Variants in FER1L6 observed in about 807,000 individuals in gnomAD.
FER1L6 encodes fer-1 like family member 6, also known as fer-1-like protein 6.
A neutral mutation model predicts 219.2 loss-of-function variants in FER1L6; 177 were observed. The ratio of observed to expected loss-of-function variants is 0.81; its 90% CI spans 0.71 to 0.91. The LOEUF (loss-of-function observed/expected upper bound fraction) is 0.91, where lower values mean the gene tolerates loss of function less well. Ranked by LOEUF, FER1L6 falls within the 40% of genes least tolerant of loss-of-function variation. The pLI, the probability that FER1L6 is intolerant of heterozygous loss-of-function variation, is 0.00. For missense variants in FER1L6, 2,153 were observed against 2,259.9 expected (o/e 0.95, Z 0.96); for synonymous variants, 768 against 824.3 (o/e 0.93, Z 1.17).
chr8:124,049,794 T>C (rs1819920829), intron 22 of FER1L6, 38 bp downstream of exon 22: 2 of 1,610,658 alleles, frequency 1.2e-6, no homozygotes, highest in Non-Finnish European at 1.7e-6. Context: ...CTATTAGGTC[T>C]ACCTGGCCAG....
intron 5 of FER1L6, among the ~76,000 whole-genome samples, chr8:123,967,405 T>C (rs1175665190): frequency 6.6e-6 from 1 of 152,216 alleles, no homozygotes; most frequent in Non-Finnish European, 1.5e-5. Flanking sequence ...CTGAAGAGTT[T>C]TTCATTGCCT....
Position 124,071,570 on chromosome 8 carries a change from T to G in FER1L6, c.4031T>G (p.Ile1344Ser), listed in dbSNP as rs1299490570. The G allele has an allele frequency of 3.1e-6, 5 of 1,613,992 alleles. No homozygotes were observed. Among genetic ancestry groups the G allele is most frequent in the Non-Finnish European group, 4.2e-6 (5 of 1,179,990 alleles). Residue 1344 changes from isoleucine to serine, a missense_variant, in exon 31 of 41, where the codon ATC (isoleucine) becomes AGC (serine). Transcript: ENST00000522917. ...TCTGAGGACAGCGGGCAGCTGAGAATCCAGCAAGGGATTCCGCCCAATCAC... is the reference window on the plus strand; with the variant it reads ...TCTGAGGACAGCGGGCAGCTGAGAAGCCAGCAAGGGATTCCGCCCAATCAC... ...SSSEDSGQLR[I>S]QQGIPPNHPV...
chr8:124,076,127 C>G (rs1435825196), intron 31 of FER1L6, 71 bp from the exon 32 acceptor site: 1 of 1,582,812 alleles, frequency 6.3e-7, no homozygotes, highest in Non-Finnish European at 8.6e-7. Flanking sequence ...TTTGAAAGCA[C>G]CAAGGTAATC....
At chr8:123,898,739 TAC>T (rs1586448651) in intron 1 of FER1L6, among the ~76,000 whole-genome samples, 1 of 141,890 alleles carries the variant, frequency 7.0e-6, no homozygotes, top group Non-Finnish European at 1.5e-5. Flanking sequence ...ATAGTATATA[TAC>T]ATATATACTA....
In FER1L6 at chr8:124,082,352, G is replaced by T; in HGVS notation, c.4285G>T (p.Asp1429Tyr). The T allele has an allele frequency of 6.2e-7, 1 of 1,613,982 alleles. No individual in the cohort carries two copies. Among genetic ancestry groups the T allele is most frequent in the South Asian group, 1.1e-5 (1 of 91,054 alleles). ...SLLSILIYDH[D>Y]MIGTDDLIGE... Reference sequence around the variant, plus strand: ...GCTCTCCATCCTGATCTATGACCATGACATGATTGGCACAGATGACCTTAT... The same window carrying T: ...GCTCTCCATCCTGATCTATGACCATTACATGATTGGCACAGATGACCTTAT... The change falls in exon 33 of 41, where the codon GAC becomes TAC. Residue 1429 changes from aspartate to tyrosine, a missense_variant. Coordinates refer to ENST00000522917, the MANE Select transcript of FER1L6 (RefSeq NM_001039112.2).
chr8:124,066,564 T>G lies in FER1L6; in HGVS notation c.3678+14T>G. 1 of 1,610,988 alleles carries G rather than the reference T, an allele frequency of 6.2e-7. No individual in the cohort carries two copies. Among genetic ancestry groups the G allele is most frequent in the Non-Finnish European group, 8.5e-7 (1 of 1,178,926 alleles). The stretch of plus-strand genomic sequence containing the variant: ...AAAGCCCAGAAGGTAGAGTCTCCCC[T>G]ACCTGTGGCAGTTAAGAGATTCAAT... On this transcript the variant is annotated intron_variant, in intron 27 of 40. Transcript: ENST00000522917.
At chr8:124,013,554 T>TAGG in intron 15 of FER1L6, 23 bp downstream of exon 15, 2 of 1,528,002 alleles carry the variant, frequency 1.3e-6, no homozygotes, top group Non-Finnish European at 1.8e-6. Context: ...ACAGCCGGCA[T>TAGG]AGGCGGAGCT....
At chr8:124,060,046 T>C in intron 22 of FER1L6, 134 bp from the exon 23 acceptor site, 1 of 672,090 alleles carries the variant, frequency 1.5e-6, no homozygotes, top group Non-Finnish European at 2.6e-6. Context: ...AAATGCATGG[T>C]CCTTGTATTT....
At chr8:124,057,065 A>G (rs1431677445) in intron 22 of FER1L6, among the ~76,000 whole-genome samples, 1 of 152,060 alleles carries the variant, frequency 6.6e-6, no homozygotes, top group Non-Finnish European at 1.5e-5. Context: ...AACAAAAACA[A>G]AAAACCTTCC....
At chr8:124,106,952 T>TCC (rs1563804357) in intron 39 of FER1L6, among the ~76,000 whole-genome samples, 2 of 147,086 alleles carry the variant, frequency 1.4e-5, no homozygotes, top group Non-Finnish European at 3.0e-5. Context: ...TTCTTTTTTT[T>TCC]TTTTTTTTTT....
intron 1 of FER1L6, among the ~76,000 whole-genome samples, chr8:123,854,403 G>A (rs1816590569): frequency 6.6e-6 from 1 of 152,184 alleles, no homozygotes; most frequent in South Asian, 2.1e-4. Context: ...TGCAGTCACA[G>A]TCACTTTCCT....
At chr8:123,923,418 A>C (rs1335089785) in intron 1 of FER1L6, among the ~76,000 whole-genome samples, 1 of 152,214 alleles carries the variant, frequency 6.6e-6, no homozygotes, top group Non-Finnish European at 1.5e-5. Flanking sequence ...GAATGGGTCA[A>C]AAACAGTTGA....
At chr8:124,017,150 T>C (rs1414192656) in intron 15 of FER1L6, among the ~76,000 whole-genome samples, 1 of 152,222 alleles carries the variant, frequency 6.6e-6, no homozygotes, top group Non-Finnish European at 1.5e-5. Flanking sequence ...ATTCACAATC[T>C]TTACTATTTT....
At chr8:123,940,785 C>T (rs1814209153) in intron 1 of FER1L6, among the ~76,000 whole-genome samples, 2 of 152,166 alleles carry the variant, frequency 1.3e-5, no homozygotes, top group African/African-American at 4.8e-5. Context: ...GCTTATTTCC[C>T]AGAGCTGTTG....
intron 22 of FER1L6, among the ~76,000 whole-genome samples, chr8:124,054,375 C>G (rs72714699): frequency 0.04 from 6,095 of 152,274 alleles, 182 homozygotes; most frequent in Non-Finnish European, 0.062. Flanking sequence ...TTTTGGGGAT[C>G]TGAAATGCCA....
At chr8:124,020,728 A>G (rs1230926010) in intron 16 of FER1L6, among the ~76,000 whole-genome samples, 1 of 152,164 alleles carries the variant, frequency 6.6e-6, no homozygotes, top group East Asian at 1.9e-4. Context: ...CTGCTTCCTC[A>G]GCTGTAAAAT....
At position 124,119,787 on chromosome 8, in the gene FER1L6, A is replaced by G; in HGVS notation, c.5571A>G (p.Ser1857=). ...TCAGCCGAAGGATCGTTGTGGGCTC[A>G]TAGAGGATCATGGAGGACCCAGATC... ...GAISRRIVVG[S] is the part of the protein sequence containing the mutation. The change falls in exon 41 of 41, where the codon TCA becomes TCG. Residue 1857 remains serine (S), a synonymous_variant. Coordinates refer to ENST00000522917, the MANE Select transcript of FER1L6 (RefSeq NM_001039112.2). 1 of 1,613,776 alleles carries G rather than the reference A, an allele frequency of 6.2e-7. No homozygotes were observed. The highest frequency in any genetic ancestry group is 2.2e-5 in the East Asian group (1 of 44,880).
chr8:124,119,628 G>A lies in FER1L6; in HGVS notation c.5412G>A (p.Ser1804=), dbSNP rs374383727. 3.5e-5 allele frequency: 57 copies of A among 1,611,864 alleles called. No individual in the cohort carries two copies. Among genetic ancestry groups the A allele is most frequent in the African/African-American group, 2.9e-4 (22 of 74,708 alleles). ...AKPNRPDTSF[S]WFMSPFKCLY... ...TCAGCCGCCCAGACACCTCCTTTTC[G>A]TGGTTCATGAGCCCCTTTAAGTGCC... Residue 1804 remains serine, a synonymous_variant, in exon 41 of 41, where the codon TCG becomes TCA. Transcript: ENST00000522917.
At chr8:123,934,817 GA>G (rs1465001752) in intron 1 of FER1L6, among the ~76,000 whole-genome samples, 152 of 152,230 alleles carry the variant, frequency 1.0e-3, no homozygotes, top group African/African-American at 3.6e-3. Flanking sequence ...ATTTCCCCTT[GA>G]TGTTCTATGA....
Sources: allele counts gnomAD v4.1 joint callset (sites outside exome capture counted in the v4.1 genomes callset), GRCh38; gene constraint gnomAD v4.1.1; transcripts MANE v1.5; gene names NCBI Gene and HGNC (gene_info 2026-07-23, HGNC 2026-07-21).